Variants in KCNH8 observed in about 807,000 individuals in gnomAD.
KCNH8 encodes the protein potassium voltage-gated channel subfamily H member 8.
Under a neutral mutation model 103.6 loss-of-function variants are expected in KCNH8, and 70 were observed. The ratio of observed to expected loss-of-function variants is 0.68; its 90% CI spans 0.56 to 0.82. KCNH8 has a LOEUF of 0.82. Among genes scored for constraint, KCNH8 ranks in the 40% least tolerant of loss-of-function variants. The pLI, the probability that KCNH8 is intolerant of heterozygous loss-of-function variation, is 0.00. For missense variants in KCNH8, 1,217 were observed against 1,329.9 expected, an observed-to-expected ratio of 0.92 and a Z score of 1.32; for synonymous variants, 498 against 489.4, an observed-to-expected ratio of 1.02 and a Z score of -0.23.
intron 2 of KCNH8, among the ~76,000 whole-genome samples, chr3:19,271,927 T>C (rs1346047568): frequency 6.6e-6 from 1 of 152,130 alleles, no homozygotes; most frequent in Non-Finnish European, 1.5e-5. Context: ...TTTGTTCTGA[T>C]CATCTTAAGC....
At chr3:19,411,397 C>T (rs1250741031) in intron 7 of KCNH8, among the ~76,000 whole-genome samples, 1 of 151,884 alleles carries the variant, frequency 6.6e-6, no homozygotes, top group African/African-American at 2.4e-5. Flanking sequence ...TGACATACCC[C>T]CAGCCAATAT....
chr3:19,351,503 C>T (rs978922358), intron 5 of KCNH8, among the ~76,000 whole-genome samples: 1 of 152,130 alleles, frequency 6.6e-6, no homozygotes, highest in South Asian at 2.1e-4. Flanking sequence ...GGGTTACCCA[C>T]AAAGGGAAGC....
chr3:19,471,082 G>C (rs1047910322), intron 11 of KCNH8, among the ~76,000 whole-genome samples: 1 of 152,132 alleles, frequency 6.6e-6, no homozygotes, highest in Non-Finnish European at 1.5e-5. Context: ...TTTGTTTATG[G>C]GGAAGGGGAG....
Position 19,529,237 on chromosome 3 carries a change from T to C in KCNH8, c.2620-4158T>C, listed in dbSNP as rs2069119034. Among the ~76,000 whole-genome samples, 2 of 152,208 alleles carry C rather than the reference T, an allele frequency of 1.3e-5. 1 individual carries two copies. The highest frequency in any genetic ancestry group is 4.1e-4 in the South Asian group (2 of 4,832). On this transcript the variant is annotated intron_variant, in intron 15 of 15. Transcript: ENST00000328405. ...GAAACATTTAAATATTTTATGCTGC[T>C]GTTGAGGTAAGTGGGAAAACTTTGG... is the stretch of plus-strand genomic sequence containing the variant.
At position 19,533,429 on chromosome 3, in the gene KCNH8, G is replaced by T; in HGVS notation, c.2654G>T (p.Gly885Val). The change falls in exon 16 of 16, where the codon GGT becomes GTT. Residue 885 changes from glycine to valine, a missense_variant. Physicochemically the swap from Gly to Val is moderately radical, Grantham distance 109 (BLOSUM62 -3). Around this residue, in one of 3 missense-constraint regions of KCNH8, gnomAD observed 558 missense variants for 495.8 expected, o/e 1.13. Coordinates refer to ENST00000328405, the MANE Select transcript of KCNH8 (RefSeq NM_144633.3). ...TTLTQEVSQLGKDMRNVIQLL... is the reference protein window; with the variant it reads ...TTLTQEVSQLVKDMRNVIQLL... ...TTGACTCAGGAAGTTTCTCAGTTGGGTAAAGACATGAGAAATGTGATCCAG... is the reference window on the plus strand; with the variant it reads ...TTGACTCAGGAAGTTTCTCAGTTGGTTAAAGACATGAGAAATGTGATCCAG... The T allele has an allele frequency of 6.2e-7, 1 of 1,614,030 alleles. No homozygotes were observed. The highest frequency in any genetic ancestry group is 8.5e-7 in the Non-Finnish European group (1 of 1,179,926).
Position 19,285,171 on chromosome 3 carries a change from A to T in KCNH8, c.442+3842A>T, listed in dbSNP as rs565368507. Among the ~76,000 whole-genome samples, 664 of 151,922 alleles carry T rather than the reference A, an allele frequency of 4.4e-3. 10 individuals are homozygous for T. Among genetic ancestry groups the T allele is most frequent in the African/African-American group, 0.014 (595 of 41,546 alleles). ...AAATTAATTTAATTAAATTCATTTT[A>T]AAAATTATATTTAAAATTTAATGTA... is the stretch of plus-strand genomic sequence containing the variant. On this transcript the variant is annotated intron_variant, in intron 3 of 15. Coordinates refer to ENST00000328405, the MANE Select transcript of KCNH8 (RefSeq NM_144633.3).
chr3:19,190,341 C>T (rs1327463283), intron 1 of KCNH8, among the ~76,000 whole-genome samples: 1 of 151,780 alleles, frequency 6.6e-6, no homozygotes, highest in Non-Finnish European at 1.5e-5. Context: ...AAGGTCTTGC[C>T]AAGAGCAAAA....
At chr3:19,256,524 G>A (rs1349895490) in intron 2 of KCNH8, among the ~76,000 whole-genome samples, 1 of 152,072 alleles carries the variant, frequency 6.6e-6, no homozygotes, top group Non-Finnish European at 1.5e-5. Flanking sequence ...GGAACGAAGG[G>A]GAAAGGATTT....
At chr3:19,253,924 T>C (rs1401740601) in intron 2 of KCNH8, 37 bp downstream of exon 2, 2 of 1,428,096 alleles carry the variant, frequency 1.4e-6, no homozygotes, top group Non-Finnish European at 2.0e-6. Context: ...TGGAGAGTAG[T>C]GAGAGGCCGT....
intron 3 of KCNH8, among the ~76,000 whole-genome samples, chr3:19,305,865 A>G (rs2065123353): frequency 6.6e-6 from 1 of 151,984 alleles, no homozygotes; most frequent in South Asian, 2.1e-4. Context: ...GAAAGAGGGT[A>G]TGTGTGGTTA....
At chr3:19,164,349 GA>G (rs1300841335) in intron 1 of KCNH8, among the ~76,000 whole-genome samples, 3 of 152,168 alleles carry the variant, frequency 2.0e-5, no homozygotes, top group Non-Finnish European at 4.4e-5. Flanking sequence ...CTTTTAGTTT[GA>G]AAAGAGGAAA....
intron 1 of KCNH8, among the ~76,000 whole-genome samples, chr3:19,181,584 A>G (rs1480419985): frequency 6.6e-6 from 1 of 152,232 alleles, no homozygotes; most frequent in Non-Finnish European, 1.5e-5. Flanking sequence ...ATTTAAGCCA[A>G]TATAATAACT....
chr3:19,265,015 CAG>C (rs2064488340), intron 2 of KCNH8, among the ~76,000 whole-genome samples: 3 of 152,040 alleles, frequency 2.0e-5, no homozygotes, highest in South Asian at 2.1e-4. Context: ...TAGTCTATGA[CAG>C]GGGATGGTAG....
rs2067317230 is a variant in KCNH8, at chr3:19,443,725, C to T, written c.1375+5364C>T. Among the ~76,000 whole-genome samples, 3 of 151,722 alleles carry T rather than the reference C, an allele frequency of 2.0e-5. 1 individual carries two copies. In the South Asian group the frequency reaches 6.2e-4, roughly 31 times the overall value. On this transcript the variant is annotated intron_variant, in intron 8 of 15. Coordinates refer to ENST00000328405, the MANE Select transcript of KCNH8 (RefSeq NM_144633.3). ...GAGCGAATTCAATAATGTTTATGGACACAAGATCAATATGCAAAAAATCAA... is the reference window on the plus strand; with the variant it reads ...GAGCGAATTCAATAATGTTTATGGATACAAGATCAATATGCAAAAAATCAA...
At chr3:19,305,712 T>C (rs1171005559) in intron 3 of KCNH8, among the ~76,000 whole-genome samples, 5 of 152,072 alleles carry the variant, frequency 3.3e-5, no homozygotes, top group Non-Finnish European at 5.9e-5. Flanking sequence ...ATCCAGAGAA[T>C]TGTTAACTCC....
chr3:19,483,213 C>T (rs1490431190), intron 11 of KCNH8, among the ~76,000 whole-genome samples: 1 of 152,106 alleles, frequency 6.6e-6, no homozygotes, highest in Non-Finnish European at 1.5e-5. Flanking sequence ...GCCCACATAT[C>T]CAGTATAATC....
In KCNH8 at chr3:19,281,326, G is replaced by A. The variant is rs1442004164; in HGVS notation, c.439G>A (p.Glu147Lys). 1 of 1,598,880 alleles carries A rather than the reference G, an allele frequency of 6.3e-7. No individual in the cohort carries two copies. The highest frequency in any genetic ancestry group is 8.5e-7 in the Non-Finnish European group (1 of 1,174,704). ...GAAGATTACTCCAGAAGATAAAAAA[G>A]AAGGTTTGTACCGTTTTCAGAAAAC... ...KVKITPEDKK[E>K]DKVKGRSRAG... is the part of the protein sequence containing the mutation. Residue 147 changes from glutamate (E) to lysine (K), a missense_variant, in exon 3 of 16, where the codon GAA (glutamate) becomes AAA (lysine). By Grantham distance (56) the Glu-to-Lys change is moderately conservative (BLOSUM62 1). Around this residue, in one of 3 missense-constraint regions of KCNH8, gnomAD observed 244 missense variants for 256.8 expected, o/e 0.95. Coordinates refer to ENST00000328405, the MANE Select transcript of KCNH8 (RefSeq NM_144633.3).
intron 6 of KCNH8, among the ~76,000 whole-genome samples, chr3:19,392,028 A>G (rs2066444699): frequency 6.6e-6 from 1 of 151,530 alleles, no homozygotes; most frequent in Admixed American, 6.6e-5. Flanking sequence ...CTAAAAGCGA[A>G]TACTTTTTTA....
chr3:19,395,183 A>G lies in KCNH8; in HGVS notation c.1049A>G (p.Gln350Arg). The G allele has an allele frequency of 6.2e-7, 1 of 1,611,306 alleles. No homozygotes were observed. Among genetic ancestry groups the G allele is most frequent in the Non-Finnish European group, 8.5e-7 (1 of 1,178,674 alleles). Residue 350 changes from glutamine (Q) to arginine (R), a missense_variant, in exon 7 of 16, where the codon CAA becomes CGA. Around this residue, in one of 3 missense-constraint regions of KCNH8, gnomAD observed 415 missense variants for 577.4 expected, o/e 0.72. Transcript: ENST00000328405. Reference protein sequence around the residue: ...RLLQKLDRYSQHSTIVLTLLM... With the variant: ...RLLQKLDRYSRHSTIVLTLLM... The stretch of plus-strand genomic sequence containing the variant: ...CTGCAGAAGTTAGACCGCTATTCCC[A>G]ACACAGTACTATCGTCCTGACTCTG...
Sources: allele counts gnomAD v4.1 joint callset (sites outside exome capture counted in the v4.1 genomes callset), GRCh38; gene constraint gnomAD v4.1.1; regional missense constraint gnomAD v4.1.1; transcripts MANE v1.5; gene names NCBI Gene and HGNC (gene_info 2026-07-23, HGNC 2026-07-21).